The following RALYL variants were observed in gnomAD, a reference collection of about 807,000 sequenced individuals.
The protein encoded by RALYL is RALY RNA binding protein like, also known as RNA-binding Raly-like protein.
In RALYL, 29 loss-of-function variants were observed where a neutral mutation model predicts 35.1. The ratio of observed to expected loss-of-function variants is 0.83; its 90% CI spans 0.61 to 1.13. RALYL has a LOEUF of 1.13. Among genes scored for constraint, RALYL ranks in the 50% most tolerant of loss-of-function variants. The probability of loss-of-function intolerance (pLI) is 0.00; values close to 1 mark genes in which losing one functional copy is unlikely to be tolerated. For synonymous variants in RALYL, 120 were observed against 127.6 expected (o/e 0.94, Z 0.40); for missense variants, 359 against 360.4 (o/e 1.00, Z 0.03).
intron 2 of RALYL, among the ~76,000 whole-genome samples, chr8:84,645,881 C>G (rs2131434857): frequency 6.6e-6 from 1 of 152,078 alleles, no homozygotes; most frequent in Admixed American, 6.6e-5. Context: ...TGTACCTTGT[C>G]ATTTCATTTC....
At chr8:84,432,758 T>C (rs773217375) in intron 1 of RALYL, among the ~76,000 whole-genome samples, 2 of 152,024 alleles carry the variant, frequency 1.3e-5, no homozygotes, top group South Asian at 2.1e-4. Context: ...GAGGCATAGA[T>C]TGGAATTATA....
intron 1 of RALYL, among the ~76,000 whole-genome samples, chr8:84,482,487 A>C (rs2133906336): frequency 6.6e-6 from 1 of 152,136 alleles, no homozygotes; most frequent in African/African-American, 2.4e-5. Context: ...CTTGTTTGCA[A>C]ACAAGTAGCC....
intron 1 of RALYL, among the ~76,000 whole-genome samples, chr8:84,480,722 G>A (rs2053955933): frequency 6.6e-6 from 1 of 152,082 alleles, no homozygotes; most frequent in African/African-American, 2.4e-5. Context: ...GGAGATCCTA[G>A]TAGAAAGTAG....
At chr8:84,211,149 G>T (rs1288117744) in intron 1 of RALYL, among the ~76,000 whole-genome samples, 2 of 152,032 alleles carry the variant, frequency 1.3e-5, no homozygotes, top group Non-Finnish European at 2.9e-5. Context: ...TAGGTCACTT[G>T]CTCATATCTG....
At chr8:84,653,090 A>C (rs1829183693) in intron 2 of RALYL, among the ~76,000 whole-genome samples, 1 of 152,052 alleles carries the variant, frequency 6.6e-6, no homozygotes, top group African/African-American at 2.4e-5. Flanking sequence ...TGGGTTATGA[A>C]ACTTGAGAGT....
In RALYL at chr8:84,917,897, T is replaced by G. The variant is rs143045357; in HGVS notation, c.859-2997T>G. ...AATTAGTCTGTGTTACTTAAAAATT[T>G]GAATTGAATTGTATCTCATTTAGAA... On this transcript the variant is annotated intron_variant, in intron 8 of 8. Coordinates refer to ENST00000521268, the MANE Select transcript of RALYL (RefSeq NM_173848.7). Among the ~76,000 whole-genome samples the G allele has an allele frequency of 2.5e-4, 38 of 152,174 alleles. 1 individual carries two copies. In the East Asian group the frequency reaches 7.1e-3, roughly 29 times the overall value.
intron 2 of RALYL, among the ~76,000 whole-genome samples, chr8:84,760,758 TA>T (rs1166244535): frequency 6.6e-6 from 1 of 151,876 alleles, no homozygotes; most frequent in Admixed American, 6.6e-5. Flanking sequence ...AAGAAGGGAG[TA>T]AATAAACATT....
chr8:84,824,351 A>C (rs1829192203), intron 4 of RALYL, among the ~76,000 whole-genome samples: 1 of 152,198 alleles, frequency 6.6e-6, no homozygotes, highest in Admixed American at 6.5e-5. Flanking sequence ...CTGTTCAAAG[A>C]AATCATACAT....
chr8:84,287,152 C>A (rs1451607512), intron 1 of RALYL, among the ~76,000 whole-genome samples: 1 of 151,898 alleles, frequency 6.6e-6, no homozygotes, highest in Non-Finnish European at 1.5e-5. Flanking sequence ...ATTTTATTTC[C>A]ATGCTTGGGA....
chr8:84,686,561 C>A (rs1447085161), intron 2 of RALYL, among the ~76,000 whole-genome samples: 1 of 152,042 alleles, frequency 6.6e-6, no homozygotes, highest in South Asian at 2.1e-4. Flanking sequence ...CATGCCACCA[C>A]GCCCAGCTAA....
intron 2 of RALYL, among the ~76,000 whole-genome samples, chr8:84,541,545 A>G (rs985923923): frequency 6.6e-5 from 10 of 151,920 alleles, no homozygotes; most frequent in Admixed American, 6.6e-4. Flanking sequence ...CATATATTCT[A>G]TTGTTGTTCT....
intron 2 of RALYL, among the ~76,000 whole-genome samples, chr8:84,721,036 A>G (rs1589190878): frequency 6.6e-6 from 1 of 151,988 alleles, no homozygotes; most frequent in African/African-American, 2.4e-5. Context: ...GCAAACTAGT[A>G]CAGCCACAAT....
chr8:84,499,293 A>T (rs2056418331), intron 1 of RALYL, among the ~76,000 whole-genome samples: 1 of 152,034 alleles, frequency 6.6e-6, no homozygotes, highest in Non-Finnish European at 1.5e-5. Flanking sequence ...TGTATTTTTT[A>T]AACATCACCC....
chr8:84,552,351 T>C (rs1159158659), intron 2 of RALYL, among the ~76,000 whole-genome samples: 2 of 80,280 alleles, frequency 2.5e-5, no homozygotes, highest in Non-Finnish European at 4.8e-5. Flanking sequence ...TATATATATA[T>C]ATATATATTT....
At position 84,672,508 on chromosome 8, in the gene RALYL, G is replaced by A. The variant is rs191021672; in HGVS notation, c.257-102071G>A. Among the ~76,000 whole-genome samples the A allele has an allele frequency of 8.5e-4, 129 of 152,078 alleles. 1 individual carries two copies. Among genetic ancestry groups the A allele is most frequent in the Middle Eastern group, 3.4e-3 (1 of 294 alleles). ...CTTTACAGCAGCACCCCATTACTTC[G>A]TACTAATTTACTGTATTAGTCCATT... On this transcript the variant is annotated intron_variant, in intron 2 of 8. Transcript: ENST00000521268.
At chr8:84,274,845 T>C (rs756145365) in intron 1 of RALYL, among the ~76,000 whole-genome samples, 18 of 152,190 alleles carry the variant, frequency 1.2e-4, no homozygotes, top group Non-Finnish European at 4.4e-5. Flanking sequence ...TTTTGCCATA[T>C]GGCATCTGAA....
chr8:84,199,013 A>G (rs559851211), intron 1 of RALYL, among the ~76,000 whole-genome samples: 11 of 152,198 alleles, frequency 7.2e-5, no homozygotes, highest in African/African-American at 2.6e-4. Flanking sequence ...TATACTCCAG[A>G]GTGGGATTTC....
intron 2 of RALYL, among the ~76,000 whole-genome samples, chr8:84,554,566 C>A (rs1213380121): frequency 6.6e-6 from 1 of 152,130 alleles, no homozygotes; most frequent in Non-Finnish European, 1.5e-5. Context: ...GATGGAGACA[C>A]ATAGTCCCAG....
intron 3 of RALYL, among the ~76,000 whole-genome samples, chr8:84,785,529 C>T (rs2634049): frequency 0.27 from 41,616 of 151,994 alleles, 6,141 homozygotes; most frequent in African/African-American, 0.36. Flanking sequence ...TAAGTTAATA[C>T]CTTTTTTCCT....
Sources: gnomAD v4.1 joint callset for allele counts (sites outside exome capture counted in the v4.1 genomes callset) on GRCh38, gnomAD v4.1.1 for gene constraint, MANE v1.5 for transcripts, NCBI Gene and HGNC (gene_info 2026-07-23, HGNC 2026-07-21) for gene names.